The following RPTOR variants were observed in gnomAD, a reference collection of about 807,000 sequenced individuals.
RPTOR encodes regulatory-associated protein of mTOR.
Under a neutral mutation model 169.9 loss-of-function variants are expected in RPTOR, and 21 were observed. The observed-to-expected ratio is 0.12, with a 90% confidence interval of 0.09 to 0.18. The LOEUF is 0.18. RPTOR is among the 10% of genes least tolerant of loss of function. The probability of loss-of-function intolerance (pLI) is 1.00; values close to 1 mark genes in which losing one functional copy is unlikely to be tolerated. For synonymous variants in RPTOR, 732 were observed against 753.2 expected (o/e 0.97, Z 0.46); for missense variants, 1,133 against 1,855.9 (o/e 0.61, Z 7.16).
rs149677976 is a variant in RPTOR at position 80,838,282 on chromosome 17, C to T, written c.1212+285C>T. Reference sequence around the variant, plus strand: ...GACTCACTCCCTGTGAGTGGTGATCCTGTTACACTTTCTAGCCTTTTCACC... The same window carrying T: ...GACTCACTCCCTGTGAGTGGTGATCTTGTTACACTTTCTAGCCTTTTCACC... On this transcript the variant is annotated intron_variant, in intron 10 of 33. Coordinates refer to ENST00000306801, the MANE Select transcript of RPTOR (RefSeq NM_020761.3). Among the ~76,000 whole-genome samples, 354 of 152,342 alleles carry T rather than the reference C, an allele frequency of 2.3e-3. No homozygotes were observed. The Middle Eastern group carries it at 0.024, about 10-fold the overall frequency.
chr17:80,594,445 C>T (rs980198535), intron 1 of RPTOR, among the ~76,000 whole-genome samples: 1 of 152,212 alleles, frequency 6.6e-6, no homozygotes, highest in Non-Finnish European at 1.5e-5. Context: ...TCGATACCAG[C>T]GTTTCTACTA....
intron 11 of RPTOR, among the ~76,000 whole-genome samples, chr17:80,853,034 C>G (rs1567960): frequency 0.1 from 15,418 of 152,150 alleles, 827 homozygotes; most frequent in East Asian, 0.18. Flanking sequence ...TCCTCCCCAT[C>G]TCCGTATTGG....
At chr17:80,891,863 G>A (rs534810352) in intron 18 of RPTOR, 26 bp downstream of exon 18, 113 of 1,514,086 alleles carry the variant, frequency 7.5e-5, no homozygotes, top group Admixed American at 3.9e-4. Context: ...CTGTGAACCC[G>A]CAGAGCACCT....
At chr17:80,634,753 G>A (rs1342115083) in intron 2 of RPTOR, among the ~76,000 whole-genome samples, 2 of 144,884 alleles carry the variant, frequency 1.4e-5, no homozygotes, top group African/African-American at 5.3e-5. Context: ...TGCATACTGT[G>A]TGTGTGCGTA....
intron 6 of RPTOR, among the ~76,000 whole-genome samples, chr17:80,762,426 C>A (rs934277428): frequency 1.3e-5 from 2 of 152,184 alleles, no homozygotes; most frequent in East Asian, 3.9e-4. Context: ...CCCCAGGGTG[C>A]AGGCAAGGCT....
At chr17:80,875,797 G>T (rs1404600532) in intron 13 of RPTOR, among the ~76,000 whole-genome samples, 1 of 145,322 alleles carries the variant, frequency 6.9e-6, no homozygotes, top group South Asian at 2.2e-4. Context: ...GGGTGTGTGT[G>T]TCGCCTGCCG....
intron 6 of RPTOR, 101 bp from the exon 7 acceptor site, chr17:80,791,349 C>T (rs1328810857): frequency 6.2e-5 from 59 of 950,268 alleles, no homozygotes; most frequent in Non-Finnish European, 9.1e-5. Context: ...CCGTGGTAGT[C>T]CCTGTCCCCA....
At chr17:80,864,856 T>G (rs1246229836) in intron 13 of RPTOR, among the ~76,000 whole-genome samples, 1 of 152,238 alleles carries the variant, frequency 6.6e-6, no homozygotes, top group Admixed American at 6.5e-5. Flanking sequence ...TTTTTTTTCC[T>G]TACGAGACAA....
intron 21 of RPTOR, among the ~76,000 whole-genome samples, chr17:80,920,889 G>A (rs1017287915): frequency 1.3e-5 from 2 of 152,210 alleles, no homozygotes; most frequent in Non-Finnish European, 2.9e-5. Flanking sequence ...CATATGTCTG[G>A]CAGGTTCTGT....
chr17:80,663,160 G>A (rs986728301), intron 3 of RPTOR, among the ~76,000 whole-genome samples: 1 of 152,166 alleles, frequency 6.6e-6, no homozygotes, highest in African/African-American at 2.4e-5. Context: ...TGGGTGTCCC[G>A]GAGCCTGCAC....
At chr17:80,548,609 G>T (rs2084307991) in intron 1 of RPTOR, among the ~76,000 whole-genome samples, 1 of 151,934 alleles carries the variant, frequency 6.6e-6, no homozygotes, top group African/African-American at 2.4e-5. Flanking sequence ...CTGACCTCGG[G>T]TCGTTCACCT....
chr17:80,697,959 G>GGCAGGA (rs1567863087), intron 3 of RPTOR, among the ~76,000 whole-genome samples: 1 of 152,196 alleles, frequency 6.6e-6, no homozygotes, highest in African/African-American at 2.4e-5. Context: ...CCAGGGAGAT[G>GGCAGGA]GCAGGAGCAG....
intron 5 of RPTOR, among the ~76,000 whole-genome samples, chr17:80,749,480 G>A (rs1241380507): frequency 8.1e-6 from 1 of 123,208 alleles, no homozygotes; most frequent in African/African-American, 3.2e-5. Context: ...GGTGGATGGA[G>A]GGGCTGCGGT....
At chr17:80,549,022 A>G (rs2084313262) in intron 1 of RPTOR, among the ~76,000 whole-genome samples, 2 of 152,196 alleles carry the variant, frequency 1.3e-5, no homozygotes, top group African/African-American at 4.8e-5. Context: ...TGACTGACTG[A>G]TGACTCCCAA....
rs1240594493 is a variant in RPTOR, at chr17:80,651,783, C to T, written c.348+7973C>T. Among the ~76,000 whole-genome samples, 3 of 151,920 alleles carry T rather than the reference C, an allele frequency of 2.0e-5. No homozygotes were observed. The highest frequency in any genetic ancestry group is 6.6e-5 in the Admixed American group (1 of 15,258). The stretch of plus-strand genomic sequence containing the variant: ...CTGTAATCCCAGCACTTTGGGAGGC[C>T]GAGGCGGGTGGATCGTGAGGTCAGG... On this transcript the variant is annotated intron_variant, in intron 3 of 33. Transcript: ENST00000306801. This position sits in a 1 kb window ranked among gnomAD's most constrained non-coding sequence, Gnocchi z 4.1.
At chr17:80,643,666 G>C (rs1019360700) in intron 2 of RPTOR, 62 bp from the exon 3 acceptor site, 2 of 1,242,520 alleles carry the variant, frequency 1.6e-6, no homozygotes, top group Non-Finnish European at 2.3e-6. Flanking sequence ...CTGTGGAAGA[G>C]AGGCCTAGCA....
intron 1 of RPTOR, among the ~76,000 whole-genome samples, chr17:80,579,283 T>G (rs1039968611): frequency 6.6e-6 from 1 of 152,132 alleles, no homozygotes; most frequent in Non-Finnish European, 1.5e-5. Context: ...AACCTCCGCC[T>G]CCCGGGTTCA....
chr17:80,946,126 A>G (rs1165083267), intron 26 of RPTOR, among the ~76,000 whole-genome samples: 1 of 152,178 alleles, frequency 6.6e-6, no homozygotes, highest in Non-Finnish European at 1.5e-5. Flanking sequence ...CAAGCATGTG[A>G]TAGACAAGCA....
intron 10 of RPTOR, among the ~76,000 whole-genome samples, chr17:80,843,941 G>A (rs1179498533): frequency 6.6e-6 from 1 of 152,134 alleles, no homozygotes; most frequent in Non-Finnish European, 1.5e-5. Flanking sequence ...CATCCAAATC[G>A]CCCTGGGAGA....
Sources: allele counts gnomAD v4.1 joint callset (sites outside exome capture counted in the v4.1 genomes callset), GRCh38; gene constraint gnomAD v4.1.1; non-coding constraint Gnocchi (gnomAD v3.1); transcripts MANE v1.5; gene names NCBI Gene and HGNC (gene_info 2026-07-23, HGNC 2026-07-21).